Variants in RNF130 observed in about 807,000 individuals in gnomAD.
The protein encoded by RNF130 is E3 ubiquitin-protein ligase RNF130.
A neutral mutation model predicts 44.6 loss-of-function variants in RNF130; 21 were observed. That is an observed-to-expected ratio of 0.47 (90% confidence interval 0.33 to 0.68). The LOEUF (loss-of-function observed/expected upper bound fraction) is 0.68. Ranked by LOEUF, RNF130 falls within the 30% of genes least tolerant of loss-of-function variation. The pLI is 0.02. For synonymous variants in RNF130, 214 were observed against 210.4 expected, an observed-to-expected ratio of 1.02 and a Z score of -0.15; for missense variants, 479 against 560.6, an observed-to-expected ratio of 0.85 and a Z score of 1.47.
chr5:180,036,713 C>T (rs1360408230), intron 2 of RNF130, among the ~76,000 whole-genome samples: 1 of 152,158 alleles, frequency 6.6e-6, no homozygotes, highest in African/African-American at 2.4e-5. Context: ...AAGTGCTACC[C>T]CTACTTCTCT....
chr5:179,946,611 T>G (rs1335065001), intron 7 of RNF130, among the ~76,000 whole-genome samples: 5 of 150,998 alleles, frequency 3.3e-5, no homozygotes, highest in Non-Finnish European at 7.4e-5. Context: ...TGGAGTGCAG[T>G]GGTGTGATCT....
At chr5:179,957,675 C>T (rs1762239300) in intron 8 of RNF130, among the ~76,000 whole-genome samples, 1 of 152,098 alleles carries the variant, frequency 6.6e-6, no homozygotes, top group South Asian at 2.1e-4. Flanking sequence ...TCACTCAATC[C>T]CTCGAAGCCC....
chr5:179,967,713 G>A (rs1762482647), intron 6 of RNF130, among the ~76,000 whole-genome samples: 1 of 152,144 alleles, frequency 6.6e-6, no homozygotes, highest in Non-Finnish European at 1.5e-5. Context: ...CAGCACATGA[G>A]AAGCACAGCT....
chr5:180,002,950 A>T (rs1561688051), intron 3 of RNF130, among the ~76,000 whole-genome samples: 1 of 152,100 alleles, frequency 6.6e-6, no homozygotes, highest in Non-Finnish European at 1.5e-5. Context: ...AAGGAATTTG[A>T]GGAGATTTTA....
rs761380140 is a variant in RNF130 at position 180,071,572 on chromosome 5, T to A, written c.131A>T (p.Gln44Leu). The A allele has an allele frequency of 8.1e-6, 12 of 1,482,792 alleles. No individual in the cohort carries two copies. In the Admixed American group the frequency reaches 1.7e-4, roughly 21 times the overall value. 91.9% of individuals were successfully genotyped at this position (1,482,792 alleles called of 1,614,324 possible). ...GAGCGGGGCGCCGCGGCCGGGCTCC[T>A]GCACCGTCACGTTGATGAGCGCCGT... is the stretch of plus-strand genomic sequence containing the variant. ...YYTALINVTV[Q>L]EPGRGAPLTF... is the part of the protein sequence containing the mutation. Residue 44 changes from glutamine to leucine, a missense_variant, in exon 1 of 9, where the codon CAG (glutamine) becomes CTG (leucine). By Grantham distance (113) the Gln-to-Leu change is moderately radical. Around this residue, in one of 3 missense-constraint regions of RNF130, gnomAD observed 138 missense variants for 126.9 expected, o/e 1.09. Transcript: ENST00000521389.
At chr5:180,005,837 T>G (rs1747423037) in intron 3 of RNF130, among the ~76,000 whole-genome samples, 1 of 152,214 alleles carries the variant, frequency 6.6e-6, no homozygotes, top group Non-Finnish European at 1.5e-5. Context: ...TTGAATTCAT[T>G]GAAATATTTA....
chr5:180,055,475 C>T (rs1000141521), intron 1 of RNF130, among the ~76,000 whole-genome samples: 11 of 151,188 alleles, frequency 7.3e-5, no homozygotes, highest in Non-Finnish European at 1.0e-4. Flanking sequence ...TGTGTGCGCG[C>T]GCGCACGCGT....
intron 8 of RNF130, among the ~76,000 whole-genome samples, chr5:179,962,669 C>T (rs778134636): frequency 7.9e-5 from 12 of 152,164 alleles, no homozygotes; most frequent in Non-Finnish European, 1.3e-4. Context: ...TACCTTATCC[C>T]TATGGAAAGC....
At chr5:180,023,266 C>T (rs927624739) in intron 2 of RNF130, among the ~76,000 whole-genome samples, 6 of 152,194 alleles carry the variant, frequency 3.9e-5, no homozygotes, top group Non-Finnish European at 7.3e-5. Context: ...TTAGGATACA[C>T]GCATGTATTT....
chr5:180,037,736 T>C (rs1306819719), intron 2 of RNF130, among the ~76,000 whole-genome samples: 2 of 152,240 alleles, frequency 1.3e-5, no homozygotes, highest in Non-Finnish European at 2.9e-5. Context: ...ATGATCGCAG[T>C]GTGCAGATTC....
chr5:179,973,276 C>T (rs900422154), intron 5 of RNF130, among the ~76,000 whole-genome samples: 1 of 152,162 alleles, frequency 6.6e-6, no homozygotes, highest in Non-Finnish European at 1.5e-5. Flanking sequence ...CCATGGCCCT[C>T]CTCTCCTGTC....
intron 3 of RNF130, 51 bp downstream of exon 3, chr5:180,013,010 A>G: frequency 6.4e-7 from 1 of 1,568,810 alleles, no homozygotes; most frequent in Non-Finnish European, 8.6e-7. Context: ...ACGACAGATG[A>G]CTGTGAACTC....
chr5:180,032,533 G>A (rs1438376964), intron 2 of RNF130, among the ~76,000 whole-genome samples: 2 of 152,138 alleles, frequency 1.3e-5, no homozygotes, highest in Non-Finnish European at 2.9e-5. Flanking sequence ...ACGAGGCCCG[G>A]CTTCTTTTTT....
intron 3 of RNF130, among the ~76,000 whole-genome samples, chr5:179,994,098 T>C (rs951512864): frequency 6.6e-6 from 1 of 152,244 alleles, no homozygotes; most frequent in Admixed American, 6.5e-5. Context: ...TCTGTTTTGG[T>C]ACCAGTACCA....
chr5:179,984,660 G>T (rs2937020), intron 3 of RNF130, among the ~76,000 whole-genome samples: 96,240 of 151,890 alleles, frequency 0.63, 31,361 homozygotes, highest in African/African-American at 0.8. Flanking sequence ...TTTAGAATTT[G>T]TGCATCTATG....
intron 6 of RNF130, 126 bp downstream of exon 6, chr5:179,970,284 G>T: frequency 1.6e-6 from 1 of 636,992 alleles, no homozygotes; most frequent in Non-Finnish European, 2.6e-6. Flanking sequence ...TGGTTACATG[G>T]CAAATATAGC....
chr5:179,914,340 C>G (rs1335391605), exon 8 of RNF130: 1 of 152,272 alleles, frequency 6.6e-6, no homozygotes, highest in African/African-American at 2.4e-5. Flanking sequence ...AACTCTGCTT[C>G]CGGGTGACAC....
chr5:179,963,442 A>G, intron 8 of RNF130, 29 bp downstream of exon 8: 10 of 1,555,316 alleles, frequency 6.4e-6, no homozygotes, highest in Non-Finnish European at 8.0e-6. Flanking sequence ...CATCTGGCAC[A>G]TGCAATCCAA....
At chr5:179,951,390 T>TG (rs1269574465), downstream of RNF130, among the ~76,000 whole-genome samples, 3 of 24,500 alleles carry the variant, frequency 1.2e-4, no homozygotes, top group Non-Finnish European at 3.6e-4. Flanking sequence ...TAGGTTTTTG[T>TG]TTTTTTTTTT....
Sources: allele counts gnomAD v4.1 joint callset (sites outside exome capture counted in the v4.1 genomes callset), GRCh38; gene constraint gnomAD v4.1.1; regional missense constraint gnomAD v4.1.1; transcripts MANE v1.5; gene names NCBI Gene and HGNC (gene_info 2026-07-23, HGNC 2026-07-21).